Variants in GRID2 observed in about 807,000 individuals in gnomAD.
The protein encoded by GRID2 is glutamate receptor ionotropic, delta-2.
In GRID2, 33 loss-of-function variants were observed where a neutral mutation model predicts 114.8. The ratio of observed to expected loss-of-function variants is 0.29; its 90% CI spans 0.22 to 0.38. GRID2 has a LOEUF of 0.38. Among genes scored for constraint, GRID2 ranks in the 10% least tolerant of loss-of-function variants. The probability of loss-of-function intolerance (pLI) is 1.00; values close to 1 mark genes in which losing one functional copy is unlikely to be tolerated. For synonymous variants in GRID2, 505 were observed against 449.9 expected (o/e 1.12, Z -1.55); for missense variants, 1,184 against 1,257.7 (o/e 0.94, Z 0.89).
At chr4:92,787,756 A>C (rs998900356) in intron 2 of GRID2, among the ~76,000 whole-genome samples, 22 of 151,874 alleles carry the variant, frequency 1.4e-4, no homozygotes, top group Non-Finnish European at 8.8e-5. Flanking sequence ...AGCAAAGTTA[A>C]AAGTTAAGAA....
chr4:93,145,817 G>A (rs890646294), intron 4 of GRID2, among the ~76,000 whole-genome samples: 2 of 150,776 alleles, frequency 1.3e-5, no homozygotes, highest in Non-Finnish European at 3.0e-5. Flanking sequence ...CTTAATGGAT[G>A]ATTCACAGGG....
chr4:93,254,731 C>A (rs1248107768), intron 8 of GRID2, among the ~76,000 whole-genome samples: 2 of 151,978 alleles, frequency 1.3e-5, no homozygotes. Context: ...AAGAGACAGT[C>A]TTTTTTAGGA....
At chr4:92,389,080 A>G (rs1344223182) in intron 1 of GRID2, among the ~76,000 whole-genome samples, 1 of 152,078 alleles carries the variant, frequency 6.6e-6, no homozygotes, top group African/African-American at 2.4e-5. Context: ...ATAGGACAGT[A>G]GTTAATAACA....
chr4:93,735,078 T>G (rs1350606511), intron 14 of GRID2, among the ~76,000 whole-genome samples: 1 of 152,014 alleles, frequency 6.6e-6, no homozygotes, highest in South Asian at 2.1e-4. Context: ...CCAAGATGCA[T>G]CGTCAAATTG....
At chr4:92,960,591 T>C (rs1434069987) in intron 2 of GRID2, among the ~76,000 whole-genome samples, 1 of 152,038 alleles carries the variant, frequency 6.6e-6, no homozygotes, top group African/African-American at 2.4e-5. Flanking sequence ...TAGCATAATA[T>C]ATATTTCCCC....
At chr4:93,030,842 G>C (rs1724351799) in intron 2 of GRID2, among the ~76,000 whole-genome samples, 1 of 151,672 alleles carries the variant, frequency 6.6e-6, no homozygotes, top group South Asian at 2.1e-4. Context: ...GAGAGGAGAA[G>C]AGTGGTGAGA....
chr4:93,550,630 C>T (rs1351409367), intron 13 of GRID2, among the ~76,000 whole-genome samples: 1 of 152,154 alleles, frequency 6.6e-6, no homozygotes, highest in Non-Finnish European at 1.5e-5. Flanking sequence ...CCTAATATTC[C>T]TAACCACTAC....
intron 4 of GRID2, among the ~76,000 whole-genome samples, chr4:93,129,652 A>G (rs1734614337): frequency 6.6e-6 from 1 of 152,162 alleles, no homozygotes; most frequent in Non-Finnish European, 1.5e-5. Flanking sequence ...TTACTTCACC[A>G]TCATTGCACC....
At chr4:93,249,584 C>T in intron 8 of GRID2, among the ~76,000 whole-genome samples, 1 of 151,924 alleles carries the variant, frequency 6.6e-6, no homozygotes. Flanking sequence ...TGAAGAGGTC[C>T]TTCACATCCC....
At position 92,570,197 on chromosome 4, in the gene GRID2, C is replaced by A. The variant is rs1329458212; in HGVS notation, c.89-19934C>A. The stretch of plus-strand genomic sequence containing the variant: ...ATATGGCTAGCTAGTTCTCAGAGCA[C>A]CATTTATTGAACAGGGTATCTTTTC... On this transcript the variant is annotated intron_variant, in intron 1 of 15. Transcript: ENST00000282020. Among the ~76,000 whole-genome samples the A allele has an allele frequency of 2.0e-5, 3 of 151,988 alleles. No individual in the cohort carries two copies. In the East Asian group the frequency reaches 5.8e-4, roughly 29 times the overall value.
At chr4:92,625,632 T>C (rs1451865183) in intron 2 of GRID2, among the ~76,000 whole-genome samples, 1 of 151,844 alleles carries the variant, frequency 6.6e-6, no homozygotes, top group Admixed American at 6.6e-5. Context: ...TTTTCAGCCC[T>C]AGATTTTTTA....
intron 2 of GRID2, among the ~76,000 whole-genome samples, chr4:92,940,397 G>T (rs1303999881): frequency 1.1e-5 from 1 of 90,908 alleles, no homozygotes; most frequent in Non-Finnish European, 2.1e-5. Flanking sequence ...GAATGCTTGT[G>T]ATTTTTTGTA....
intron 1 of GRID2, among the ~76,000 whole-genome samples, chr4:92,453,934 T>C (rs1231029338): frequency 6.6e-6 from 1 of 152,168 alleles, no homozygotes; most frequent in African/African-American, 2.4e-5. Flanking sequence ...TCAAAGACAA[T>C]ATTACAAAAC....
chr4:92,477,059 G>A (rs2149100956), intron 1 of GRID2, among the ~76,000 whole-genome samples: 1 of 137,030 alleles, frequency 7.3e-6, no homozygotes, highest in South Asian at 2.2e-4. Flanking sequence ...GTGTGTGTGT[G>A]TGTGTGTGTG....
chr4:93,751,057 T>A (rs2110283079), intron 14 of GRID2, among the ~76,000 whole-genome samples: 1 of 152,278 alleles, frequency 6.6e-6, no homozygotes, highest in South Asian at 2.1e-4. Context: ...CCAAGGCCAG[T>A]TTATACCTAG....
chr4:93,733,257 A>G (rs1395803966), intron 14 of GRID2, among the ~76,000 whole-genome samples: 1 of 152,072 alleles, frequency 6.6e-6, no homozygotes, highest in Non-Finnish European at 1.5e-5. Flanking sequence ...ATGTGCTTTT[A>G]TATATCCTTG....
intron 1 of GRID2, among the ~76,000 whole-genome samples, chr4:92,564,408 T>C (rs1727238345): frequency 6.6e-6 from 1 of 151,978 alleles, no homozygotes; most frequent in Non-Finnish European, 1.5e-5. Context: ...CATATAAGCA[T>C]TACATTAGTA....
chr4:93,548,599 G>T (rs1290053621), intron 13 of GRID2, among the ~76,000 whole-genome samples: 1 of 152,148 alleles, frequency 6.6e-6, no homozygotes, highest in East Asian at 1.9e-4. Flanking sequence ...GACAGTCATA[G>T]TATATAAAAT....
chr4:92,401,064 C>T (rs1373509110), intron 1 of GRID2, among the ~76,000 whole-genome samples: 2 of 152,046 alleles, frequency 1.3e-5, no homozygotes, highest in African/African-American at 2.4e-5. Flanking sequence ...TGATGAGATC[C>T]TTTCTTTCAT....
Sources: allele counts gnomAD v4.1 joint callset (sites outside exome capture counted in the v4.1 genomes callset), GRCh38; gene constraint gnomAD v4.1.1; transcripts MANE v1.5; gene names NCBI Gene and HGNC (gene_info 2026-07-23, HGNC 2026-07-21).